KATNA1: variants seen among roughly 807,000 people sequenced by gnomAD.
KATNA1 encodes the protein katanin catalytic subunit A1.
KATNA1 carries 42 observed loss-of-function variants against 62.6 expected under a neutral mutation model. The observed-to-expected ratio is 0.67, with a 90% CI of 0.52 to 0.87. The LOEUF (loss-of-function observed/expected upper bound fraction) is 0.87. KATNA1 is among the 40% of genes least tolerant of loss of function. The pLI is 0.00. For missense variants in KATNA1, 498 were observed against 612.5 expected, an observed-to-expected ratio of 0.81 and a Z score of 1.97; for synonymous variants, 186 against 201.9, an observed-to-expected ratio of 0.92 and a Z score of 0.67.
At position 149,638,513 on chromosome 6, in the gene KATNA1, A is replaced by G; in HGVS notation, c.35T>C (p.Leu12Ser). ...TCCCAGCAATGCATATTCACGAGCC[A>G]ATTTTACATTCTCACTAATCATAAG... Reference protein sequence around the residue: ...SLLMISENVKLAREYALLGNY... With the variant: ...SLLMISENVKSAREYALLGNY... Residue 12 changes from leucine (L) to serine (S), a missense_variant, in exon 2 of 11, where the codon TTG becomes TCG. Leu to Ser is a moderately radical substitution (Grantham distance 145, BLOSUM62 -2). This residue lies in a region of KATNA1 where 28 missense variants were observed against 41.6 expected (regional missense o/e 0.67). Transcript: ENST00000367411. 6.2e-7 allele frequency: 1 copy of G among 1,613,768 alleles called. No individual in the cohort carries two copies. Among genetic ancestry groups the G allele is most frequent in the Non-Finnish European group, 8.5e-7 (1 of 1,179,860 alleles).
chr6:149,629,033 A>C (rs1285103948), intron 3 of KATNA1, among the ~76,000 whole-genome samples: 1 of 152,156 alleles, frequency 6.6e-6, no homozygotes, highest in Non-Finnish European at 1.5e-5. Flanking sequence ...GATACAGAAG[A>C]AAGCGAGAAG....
At chr6:149,605,598 A>G (rs186648757) in intron 4 of KATNA1, among the ~76,000 whole-genome samples, 1 of 152,224 alleles carries the variant, frequency 6.6e-6, no homozygotes, top group Non-Finnish European at 1.5e-5. Flanking sequence ...CAAACTATGT[A>G]CTCAATACCC....
chr6:149,626,292 CTTTTTT>C (rs544379629), intron 3 of KATNA1, among the ~76,000 whole-genome samples: 3 of 88,746 alleles, frequency 3.4e-5, no homozygotes, highest in South Asian at 3.9e-4. Context: ...ATAACATTTA[CTTTTTT>C]TTTTTTTTTT....
intron 3 of KATNA1, 23 bp downstream of exon 3, chr6:149,632,736 T>G: frequency 6.3e-7 from 1 of 1,585,820 alleles, no homozygotes; most frequent in Non-Finnish European, 8.5e-7. Context: ...GGATAACTGG[T>G]TTCTTAAAAG....
intron 4 of KATNA1, 46 bp from the exon 5 acceptor site, chr6:149,604,828 T>C: frequency 6.3e-7 from 1 of 1,587,654 alleles, no homozygotes. Context: ...ATTTATTTTG[T>C]TTCTGTGAGT....
intron 10 of KATNA1, among the ~76,000 whole-genome samples, chr6:149,595,708 C>T (rs1465711306): frequency 6.6e-6 from 1 of 151,724 alleles, no homozygotes; most frequent in Non-Finnish European, 1.5e-5. Flanking sequence ...TTGCCTTTTA[C>T]CAAGTTTTAT....
chr6:149,633,233 G>A (rs1301020523), intron 2 of KATNA1, among the ~76,000 whole-genome samples: 4 of 149,290 alleles, frequency 2.7e-5, no homozygotes, highest in Non-Finnish European at 4.4e-5. Flanking sequence ...TCAGCCTCCC[G>A]AGTAGCTGGG....
chr6:149,644,345 G>T (rs901242324), intron 1 of KATNA1, among the ~76,000 whole-genome samples: 2 of 151,966 alleles, frequency 1.3e-5, no homozygotes, highest in Non-Finnish European at 2.9e-5. Flanking sequence ...AAATAGTCAG[G>T]CATGGTGGTT....
rs969379777 is a variant in KATNA1 at position 149,643,585 on chromosome 6, ATC to A, written c.-14+4882_-14+4883del. 1.5e-4 allele frequency among the ~76,000 whole-genome samples: 23 copies of A among 152,184 alleles called. 1 individual carries two copies. The highest frequency in any genetic ancestry group is 1.3e-3 in the Admixed American group (20 of 15,286). ...TAAAAGCCTAAAGGCCAAGGACCAT[ATC>A]TCTCTGTTATTTACTGATACATCTC... On this transcript the variant is annotated intron_variant, in intron 1 of 10. Coordinates refer to ENST00000367411, the MANE Select transcript of KATNA1 (RefSeq NM_007044.4).
chr6:149,625,933 C>CAAAAAAAAAAAAA (rs200316485), intron 3 of KATNA1, among the ~76,000 whole-genome samples: 24 of 137,486 alleles, frequency 1.7e-4, no homozygotes, highest in African/African-American at 6.3e-4. Context: ...GACTCCATCT[C>CAAAAAAAAAAAAA]AAAAAAAAAA....
chr6:149,631,127 T>G (rs1401660783), intron 3 of KATNA1, among the ~76,000 whole-genome samples: 1 of 152,084 alleles, frequency 6.6e-6, no homozygotes, highest in African/African-American at 2.4e-5. Flanking sequence ...AGGCCGGGTG[T>G]GGTGGCTCAC....
intron 3 of KATNA1, 70 bp downstream of exon 3, chr6:149,632,689 C>T: frequency 7.6e-7 from 1 of 1,313,922 alleles, no homozygotes. Flanking sequence ...GCCACCCCAT[C>T]CTCCTCCTAA....
At chr6:149,601,305 T>C (rs1174859008) in intron 7 of KATNA1, among the ~76,000 whole-genome samples, 2 of 152,190 alleles carry the variant, frequency 1.3e-5, no homozygotes, top group Non-Finnish European at 2.9e-5. Context: ...CTAAACCTAT[T>C]GATTTAAAAA....
chr6:149,626,856 C>A (rs779452125), intron 3 of KATNA1, among the ~76,000 whole-genome samples: 1 of 151,096 alleles, frequency 6.6e-6, no homozygotes, highest in Non-Finnish European at 1.5e-5. Flanking sequence ...TGGTGGCAGG[C>A]GCCTATAATC....
In KATNA1 at chr6:149,597,074, G is replaced by A; in HGVS notation, c.1266C>T (p.Thr422=). 1 of 1,613,968 alleles carries A rather than the reference G, an allele frequency of 6.2e-7. No individual in the cohort carries two copies. The highest frequency in any genetic ancestry group is 1.1e-5 in the South Asian group (1 of 91,062). The change falls in exon 10 of 11, where the codon ACC becomes ACT. Residue 422 remains threonine, a synonymous_variant. Coordinates refer to ENST00000367411, the MANE Select transcript of KATNA1 (RefSeq NM_007044.4). ...ATGATAATTCATACCTGCACACGTT[G>A]GTAATGTCCGCACCTGAATAACCTT... ...NMEGYSGADI[T]NVCRDASLMA...
intron 7 of KATNA1, among the ~76,000 whole-genome samples, chr6:149,599,508 C>A (rs906521653): frequency 6.6e-6 from 1 of 152,062 alleles, no homozygotes; most frequent in Admixed American, 6.6e-5. Context: ...GCACAGCACA[C>A]TTCTGGTAAG....
intron 1 of KATNA1, among the ~76,000 whole-genome samples, chr6:149,648,122 T>G (rs1387112751): frequency 6.6e-6 from 1 of 152,080 alleles, no homozygotes; most frequent in South Asian, 2.1e-4. Flanking sequence ...GATTTTTACC[T>G]GTGAGGGTTT....
At position 149,632,886 on chromosome 6, in the gene KATNA1, G is replaced by A. The variant is rs1224001128; in HGVS notation, c.193C>T (p.His65Tyr). The change falls in exon 3 of 11, where the codon CAT (histidine) becomes TAT (tyrosine). Residue 65 changes from histidine to tyrosine, a missense_variant. By Grantham distance (83) the His-to-Tyr change is moderately conservative. Transcript: ENST00000367411. The part of the protein sequence containing the change: ...VWQEINVEAK[H>Y]VKDIMKTLES... Reference sequence around the variant, plus strand: ...AGTGTTTTCATGATATCTTTAACATGTTTAGCTTCCACATTTATTTCCTGC... The same window carrying A: ...AGTGTTTTCATGATATCTTTAACATATTTAGCTTCCACATTTATTTCCTGC... 1.2e-6 allele frequency: 2 copies of A among 1,606,860 alleles called. No individual in the cohort carries two copies. The highest frequency in any genetic ancestry group is 1.7e-5 in the Admixed American group (1 of 57,548).
intron 4 of KATNA1, among the ~76,000 whole-genome samples, chr6:149,617,293 A>G (rs1412914217): frequency 1.3e-5 from 2 of 152,210 alleles, no homozygotes; most frequent in African/African-American, 4.8e-5. Flanking sequence ...ACTGAACTGC[A>G]CACTTGAAAT....
Sources: gnomAD v4.1 joint callset for allele counts (sites outside exome capture counted in the v4.1 genomes callset) on GRCh38, gnomAD v4.1.1 for gene constraint, gnomAD v4.1.1 regional missense constraint, MANE v1.5 for transcripts, NCBI Gene and HGNC (gene_info 2026-07-23, HGNC 2026-07-21) for gene names.